The following ITGA2B variants were observed in gnomAD, a reference collection of about 807,000 sequenced individuals.
ITGA2B encodes the protein integrin subunit alpha 2b, also known as integrin alpha-IIb.
ITGA2B carries 91 observed loss-of-function variants against 142.0 expected under a neutral mutation model. The observed-to-expected ratio is 0.64, with a 90% CI of 0.54 to 0.76. The LOEUF (loss-of-function observed/expected upper bound fraction) is 0.76. ITGA2B is among the 30% of genes least tolerant of loss of function. ITGA2B has a pLI of 0.00. For synonymous variants in ITGA2B, 536 were observed against 567.2 expected, an observed-to-expected ratio of 0.94 and a Z score of 0.78; for missense variants, 1,231 against 1,350.8, an observed-to-expected ratio of 0.91 and a Z score of 1.39.
chr17:44,377,912 G>T (rs2048559585), intron 20 of ITGA2B, 122 bp from the exon 21 acceptor site: 1 of 695,016 alleles, frequency 1.4e-6, no homozygotes, highest in Middle Eastern at 2.5e-4. Context: ...CTTGGGGTGG[G>T]GTCTCAAGGG....
intron 24 of ITGA2B, 25 bp from the exon 25 acceptor site, chr17:44,376,010 G>A (rs1313107434): frequency 7.4e-6 from 12 of 1,613,948 alleles, no homozygotes; most frequent in African/African-American, 2.7e-5. Context: ...GTGGCAGGGT[G>A]TGGGGAGCTT....
chr17:44,387,826 CAA>C (rs980395817), intron 1 of ITGA2B, among the ~76,000 whole-genome samples: 124 of 24,566 alleles, frequency 5.0e-3, no homozygotes, highest in African/African-American at 0.016. Flanking sequence ...AACCCCATCT[CAA>C]AAAAAAAAAA....
rs946706342 is a variant in ITGA2B, at chr17:44,389,217, A to G, written c.188+69T>C. 9 of 1,545,196 alleles carry G rather than the reference A, an allele frequency of 5.8e-6. No individual in the cohort carries two copies. The African/African-American group carries it at 1.1e-4, about 19-fold the overall frequency. ...CTGCTATCGCAAATGGGAAACTCGA[A>G]GCCCCCAGAAGCAGTGATGGGGAGG... is the stretch of plus-strand genomic sequence containing the variant. On this transcript the variant is annotated intron_variant, in intron 1 of 29. Coordinates refer to ENST00000262407, the MANE Select transcript of ITGA2B (RefSeq NM_000419.5).
At chr17:44,376,904 C>T (rs994364148) in intron 22 of ITGA2B, 105 bp downstream of exon 22, 11 of 883,064 alleles carry the variant, frequency 1.2e-5, no homozygotes, top group Admixed American at 2.0e-5. Flanking sequence ...TGAGCCACTG[C>T]GCCTGGCCTC....
intron 29 of ITGA2B, among the ~76,000 whole-genome samples, chr17:44,373,278 C>T (rs556982489): frequency 2.0e-4 from 31 of 152,214 alleles, no homozygotes; most frequent in African/African-American, 7.0e-4. Flanking sequence ...GCTGGAAGTA[C>T]AGGTGCCTGC....
rs746550207 is a variant in ITGA2B at position 44,384,982 on chromosome 17, G to A, written c.765C>T (p.Asp255=). ...CGTCGAAGTACTCTGGGTTGCTGGA[G>A]TCAAAGGAGAGGCTCTGGGAGGACA... ...WHVSSQSLSF[D]SSNPEYFDGY... is the part of the protein sequence containing the mutation. The change falls in exon 7 of 30, where the codon GAC becomes GAT. Residue 255 remains aspartate, a synonymous_variant. Coordinates refer to ENST00000262407, the MANE Select transcript of ITGA2B (RefSeq NM_000419.5). 2 of 1,614,150 alleles carry A rather than the reference G, an allele frequency of 1.2e-6. No homozygotes were observed. Among genetic ancestry groups the A allele is most frequent in the East Asian group, 2.2e-5 (1 of 44,868 alleles).
intron 18 of ITGA2B, among the ~76,000 whole-genome samples, chr17:44,379,032 G>C (rs912772134): frequency 6.6e-6 from 1 of 151,782 alleles, no homozygotes; most frequent in Non-Finnish European, 1.5e-5. Context: ...TGCAAGCTCC[G>C]CCCCCCGGGG....
chr17:44,384,225 G>A, intron 9 of ITGA2B, 86 bp downstream of exon 9: 2 of 1,587,878 alleles, frequency 1.3e-6, no homozygotes, highest in South Asian at 2.2e-5. Context: ...TGGTGGAGGC[G>A]GGGCGGGGGT....
rs772811831 is a variant in ITGA2B, at chr17:44,383,883, TC to T, written c.998+10del. On this transcript the variant is annotated intron_variant, in intron 11 of 29. Coordinates refer to ENST00000262407, the MANE Select transcript of ITGA2B (RefSeq NM_000419.5). ...CCCAACTGGGTAGGGGTGGGGCATG[TC>T]CCTCCTCACCCATCCCCGTTGACGT... The T allele has an allele frequency of 6.2e-7, 1 of 1,612,962 alleles. No individual in the cohort carries two copies. Among genetic ancestry groups the T allele is most frequent in the Admixed American group, 1.7e-5 (1 of 59,958 alleles).
At position 44,383,965 on chromosome 17, in the gene ITGA2B, C is replaced by T. The variant is rs201125257; in HGVS notation, c.946-19G>A. The T allele has an allele frequency of 8.7e-6, 14 of 1,614,058 alleles. No individual in the cohort carries two copies. In the East Asian group the frequency reaches 2.2e-4, roughly 26 times the overall value. On this transcript the variant is annotated intron_variant, in intron 10 of 29. Coordinates refer to ENST00000262407, the MANE Select transcript of ITGA2B (RefSeq NM_000419.5). The stretch of plus-strand genomic sequence containing the variant: ...ACGCCATCTGCAAGATGAGGAGCAC[C>T]ATCATTCACGCCGCTGGACAAGCAT...
In ITGA2B at chr17:44,385,645, G is replaced by C. The variant is rs1279297832; in HGVS notation, c.480C>G (p.Ser160Arg). The C allele has an allele frequency of 1.2e-6, 2 of 1,613,608 alleles. No homozygotes were observed. Among genetic ancestry groups the C allele is most frequent in the East Asian group, 4.5e-5 (2 of 44,882 alleles). The change falls in exon 4 of 30, where the codon AGC (serine) becomes AGG (arginine). Residue 160 changes from serine (S) to arginine (R), a missense_variant. Ser to Arg is a moderately radical substitution (Grantham distance 110). This residue lies in a region of ITGA2B where 318 missense variants were observed against 312.2 expected (regional missense o/e 1.02). Coordinates refer to ENST00000262407, the MANE Select transcript of ITGA2B (RefSeq NM_000419.5). ...TEEAEKTPVG[S>R]CFLAQPESGR... ...CGCTCTCTGGCTGAGCCAAAAAGCA[G>C]CTACCTACGGGCGTCTTCTCAGCCT...
At chr17:44,388,160 ACT>A (rs1195244420) in intron 1 of ITGA2B, among the ~76,000 whole-genome samples, 6 of 151,978 alleles carry the variant, frequency 3.9e-5, no homozygotes, top group Non-Finnish European at 5.9e-5. Context: ...AGGAGCCAAG[ACT>A]CTAATCTTGG....
In ITGA2B at chr17:44,385,910, G is replaced by T. The variant is rs1598383383; in HGVS notation, c.322C>A (p.Arg108=). 1 of 1,612,808 alleles carries T rather than the reference G, an allele frequency of 6.2e-7. No homozygotes were observed. Residue 108 remains arginine, a synonymous_variant, in exon 3 of 30, where the codon CGA becomes AGA. Transcript: ENST00000262407. The part of the protein sequence containing the change: ...SLLFDLRDET[R]NVGSQTLQTF... The stretch of plus-strand genomic sequence containing the variant: ...TGTAAAGTTTGGGAGCCTACATTTC[G>T]GGTCTCATCACCTGGAAGGCACAAG...
intron 18 of ITGA2B, among the ~76,000 whole-genome samples, chr17:44,379,362 T>C (rs1336956790): frequency 6.6e-6 from 1 of 151,834 alleles, no homozygotes; most frequent in Non-Finnish European, 1.5e-5. Flanking sequence ...GTGATTCTCC[T>C]GCTTCAGCCT....
chr17:44,379,730 G>A lies in ITGA2B; in HGVS notation c.1837C>T (p.Pro613Ser). 1 of 1,613,906 alleles carries A rather than the reference G, an allele frequency of 6.2e-7. No homozygotes were observed. The highest frequency in any genetic ancestry group is 2.2e-5 in the East Asian group (1 of 44,850). Residue 613 changes from proline to serine, a missense_variant, in exon 18 of 30, where the codon CCT becomes TCT. Coordinates refer to ENST00000262407, the MANE Select transcript of ITGA2B (RefSeq NM_000419.5). ...GTGTCTCCATGCAGCACGACAGCAG[G>A]GGCCATTCCAGCCTCCGTGGGCGGT... ...SLPPTEAGMA[P>S]AVVLHGDTHV...
At position 44,384,143 on chromosome 17, in the gene ITGA2B, A is replaced by T. The variant is rs755265076; in HGVS notation, c.892-5T>A. The T allele has an allele frequency of 1.9e-5, 31 of 1,612,860 alleles. No individual in the cohort carries two copies. Among genetic ancestry groups the T allele is most frequent in the Non-Finnish European group, 2.6e-5 (31 of 1,179,712 alleles). On this transcript the variant is annotated splice_region_variant and splice_polypyrimidine_tract_variant and intron_variant, in intron 9 of 29. Coordinates refer to ENST00000262407, the MANE Select transcript of ITGA2B (RefSeq NM_000419.5). ...GTAGGAATCCAAAATTTCCACCTGC[A>T]CGGACAGCGCAGGCGAGAGCATCAT...
chr17:44,383,738 A>G, intron 11 of ITGA2B, 34 bp from the exon 12 acceptor site: 1 of 1,556,442 alleles, frequency 6.4e-7, no homozygotes, highest in Non-Finnish European at 8.7e-7. Context: ...ATGGGACTGG[A>G]CCAGGGGTAT....
chr17:44,382,012 C>T (rs1201938539), intron 12 of ITGA2B, among the ~76,000 whole-genome samples: 1 of 152,150 alleles, frequency 6.6e-6, no homozygotes, highest in African/African-American at 2.4e-5. Context: ...TAATCTCTTA[C>T]TTCAGGAAGA....
intron 22 of ITGA2B, 139 bp downstream of exon 22, chr17:44,376,870 C>T (rs897546995): frequency 9.8e-6 from 7 of 713,144 alleles, no homozygotes; most frequent in Admixed American, 6.1e-5. Context: ...GCCTTGGCCT[C>T]GCAACGTGCT....
Sources: allele counts gnomAD v4.1 joint callset (sites outside exome capture counted in the v4.1 genomes callset), GRCh38; gene constraint gnomAD v4.1.1; regional missense constraint gnomAD v4.1.1; transcripts MANE v1.5; gene names NCBI Gene and HGNC (gene_info 2026-07-23, HGNC 2026-07-21).